Variants in C12orf60 observed in about 807,000 individuals in gnomAD.
C12orf60 encodes uncharacterized protein C12orf60.
For synonymous variants in C12orf60, 102 were observed against 94.6 expected, an observed-to-expected ratio of 1.08 and a Z score of -0.45; for missense variants, 284 against 283.2, an observed-to-expected ratio of 1.00 and a Z score of -0.02.
At chr12:14,807,668 A>G (rs1950074223) in intron 1 of C12orf60, among the ~76,000 whole-genome samples, 1 of 152,356 alleles carries the variant, frequency 6.6e-6, no homozygotes, top group Non-Finnish European at 1.5e-5. Flanking sequence ...TATATATTCA[A>G]GACTCTTTGG....
chr12:14,811,714 A>G (rs1223883945), intron 1 of C12orf60, among the ~76,000 whole-genome samples: 1 of 152,240 alleles, frequency 6.6e-6, no homozygotes, highest in African/African-American at 2.4e-5. Flanking sequence ...AGTTTTTCAG[A>G]AAAGGAACTA....
intron 1 of C12orf60, chr12:14,805,954 T>C (rs1592228277): frequency 1.3e-6 from 2 of 1,513,374 alleles, no homozygotes; most frequent in East Asian, 4.5e-5. Flanking sequence ...CAAACACTGT[T>C]ACTGAAAAGG....
chr12:14,821,531 A>G (rs1950304918), intron 1 of C12orf60, among the ~76,000 whole-genome samples: 1 of 152,168 alleles, frequency 6.6e-6, no homozygotes, highest in South Asian at 2.1e-4. Context: ...ATATACTTCC[A>G]CATTTCACAC....
intron 1 of C12orf60, among the ~76,000 whole-genome samples, chr12:14,819,288 T>C (rs1385308980): frequency 1.3e-5 from 2 of 152,158 alleles, no homozygotes; most frequent in Admixed American, 6.5e-5. Flanking sequence ...AAGTATTTTA[T>C]TGAGAGAGTA....
chr12:14,815,714 A>G (rs916731272), intron 1 of C12orf60, among the ~76,000 whole-genome samples: 4 of 152,220 alleles, frequency 2.6e-5, no homozygotes, highest in African/African-American at 9.6e-5. Flanking sequence ...CATTGCCTAC[A>G]GTATGTGGAC....
At chr12:14,807,062 C>T (rs1950063250) in intron 1 of C12orf60, among the ~76,000 whole-genome samples, 1 of 152,208 alleles carries the variant, frequency 6.6e-6, no homozygotes, top group East Asian at 1.9e-4. Context: ...CAACTCCTGA[C>T]CTCAGGTAAT....
At position 14,823,244 on chromosome 12, in the gene C12orf60, T is replaced by A. The variant is rs7307438; in HGVS notation, c.309T>A (p.Asn103Lys). ...AMCSVVQKST[N>K]VEELHQSAKE... ...GCTCTGTGGTTCAGAAGAGTACCAATGTAGAGGAGTTGCATCAGTCAGCTA... is the reference window on the plus strand; with the variant it reads ...GCTCTGTGGTTCAGAAGAGTACCAAAGTAGAGGAGTTGCATCAGTCAGCTA... The change falls in exon 2 of 2, where the codon AAT (asparagine) becomes AAA (lysine). Residue 103 changes from asparagine (N) to lysine (K), a missense_variant. Transcript: ENST00000330828. The A allele has an allele frequency of 0.15, 241,856 of 1,613,910 alleles. 19,789 individuals carry two copies. Among genetic ancestry groups the A allele is most frequent in the African/African-American group, 0.27 (19,881 of 74,922 alleles).
intron 1 of C12orf60, among the ~76,000 whole-genome samples, chr12:14,813,127 A>G (rs1167385583): frequency 6.6e-6 from 1 of 152,208 alleles, no homozygotes; most frequent in Non-Finnish European, 1.5e-5. Flanking sequence ...GGAGTTTATT[A>G]TATTATTGTC....
At chr12:14,803,790 A>G (rs1950003700) in intron 1 of C12orf60, 39 bp downstream of exon 1, 2 of 304,924 alleles carry the variant, frequency 6.6e-6, no homozygotes, top group African/African-American at 2.2e-5. Context: ...TTCTGCAGAT[A>G]AAGAAGCGTT....
At chr12:14,807,449 A>G (rs1445637041) in intron 1 of C12orf60, among the ~76,000 whole-genome samples, 1 of 152,126 alleles carries the variant, frequency 6.6e-6, no homozygotes, top group East Asian at 1.9e-4. Flanking sequence ...TTGGAGTTAA[A>G]CTCTAGTCAG....
chr12:14,816,548 A>G (rs1565420525), intron 1 of C12orf60, among the ~76,000 whole-genome samples: 1 of 152,128 alleles, frequency 6.6e-6, no homozygotes, highest in South Asian at 2.1e-4. Context: ...TTGGTAGTGT[A>G]CATGCATTGC....
chr12:14,804,547 T>C (rs753455777), intron 1 of C12orf60: 1 of 152,218 alleles, frequency 6.6e-6, no homozygotes, highest in Non-Finnish European at 1.5e-5. Context: ...AAATTCTTGA[T>C]TTGATTTTAG....
rs907183270 is a variant in C12orf60 at position 14,803,688 on chromosome 12, A to G, written c.-88A>G. On this transcript the variant is annotated 5_prime_UTR_variant, in exon 1 of 2. Transcript: ENST00000330828. ...AGGAATTAGAAGAAGATAGCTGCTA[A>G]CTGAGTGGCTGACGGTCCTGTCTCT... 1 of 390,890 alleles carries G rather than the reference A, an allele frequency of 2.6e-6. No homozygotes were observed. Among genetic ancestry groups the G allele is most frequent in the Non-Finnish European group, 4.5e-6 (1 of 221,890 alleles). The allele number at this position is 390,890 out of a possible 1,614,324, so 24.2% of individuals were successfully genotyped here.
intron 1 of C12orf60, among the ~76,000 whole-genome samples, chr12:14,816,447 C>T (rs1950220002): frequency 6.6e-6 from 1 of 151,952 alleles, no homozygotes; most frequent in African/African-American, 2.4e-5. Flanking sequence ...GAATGCTGCA[C>T]TTAAAAAAAA....
intron 1 of C12orf60, among the ~76,000 whole-genome samples, chr12:14,807,049 C>T (rs559159084): frequency 2.0e-5 from 3 of 152,312 alleles, no homozygotes; most frequent in African/African-American, 7.2e-5. Context: ...CCAGGCTGGT[C>T]TCCAACTCCT....
At chr12:14,804,591 T>C (rs140510479) in intron 1 of C12orf60, 1 of 152,338 alleles carries the variant, frequency 6.6e-6, no homozygotes, top group Non-Finnish European at 1.5e-5. Flanking sequence ...AATGACGAGA[T>C]ATTGTAGGTT....
At chr12:14,804,355 G>C (rs1160816612) in intron 1 of C12orf60, among the ~76,000 whole-genome samples, 3 of 152,160 alleles carry the variant, frequency 2.0e-5, no homozygotes, top group Admixed American at 6.5e-5. Flanking sequence ...AACTATCTTA[G>C]AGGATACGCT....
At chr12:14,821,500 A>T (rs959450738) in intron 1 of C12orf60, among the ~76,000 whole-genome samples, 1 of 152,122 alleles carries the variant, frequency 6.6e-6, no homozygotes, top group Non-Finnish European at 1.5e-5. Flanking sequence ...TCTGTTTTTA[A>T]TGGTTACTCT....
At position 14,823,842 on chromosome 12, in the gene C12orf60, A is replaced by C; in HGVS notation, c.*169A>C. 1.9e-6 allele frequency: 1 copy of C among 514,324 alleles called. No homozygotes were observed. The allele number at this position is 514,324 out of a possible 1,614,324, so 31.9% of individuals were successfully genotyped here. On this transcript the variant is annotated 3_prime_UTR_variant, in exon 2 of 2. Coordinates refer to ENST00000330828, the MANE Select transcript of C12orf60 (RefSeq NM_175874.4). ...TGTAGTTTTGCTTTATTAAAATAAA[A>C]AGAAATAATTAAGAAAGCCTGTTTG...
Sources: allele counts gnomAD v4.1 joint callset (sites outside exome capture counted in the v4.1 genomes callset), GRCh38; gene constraint gnomAD v4.1.1; transcripts MANE v1.5; gene names NCBI Gene and HGNC (gene_info 2026-07-23, HGNC 2026-07-21).